TMEM165: variants seen among roughly 807,000 people sequenced by gnomAD.
The protein encoded by TMEM165 is putative divalent cation/proton antiporter TMEM165.
TMEM165 carries 19 observed loss-of-function variants against 30.0 expected under a neutral mutation model. That is an observed-to-expected ratio of 0.63 (90% CI 0.44 to 0.93). The LOEUF (loss-of-function observed/expected upper bound fraction) is 0.93, where lower values mean the gene tolerates loss of function less well. TMEM165 is among the 40% of genes least tolerant of loss of function. TMEM165 has a pLI of 0.00. For missense variants in TMEM165, 340 were observed against 417.0 expected, an observed-to-expected ratio of 0.82 and a Z score of 1.61; for synonymous variants, 168 against 162.9, an observed-to-expected ratio of 1.03 and a Z score of -0.24.
Position 55,444,741 on chromosome 4 carries a change from G to A in TMEM165, c.409-7498G>A, listed in dbSNP as rs34812164. On this transcript the variant is annotated intron_variant, in intron 3 of 3. Transcript: ENST00000608091. ...TCATGCGTGTCCGTTGTTCCAATTG[G>A]TCTTTCAGATGTTGCATGGCTCCTA... 4,602 of 1,613,998 alleles carry A rather than the reference G, an allele frequency of 2.9e-3. 9 individuals are homozygous for A. The highest frequency in any genetic ancestry group is 3.6e-3 in the Non-Finnish European group (4,262 of 1,179,996).
At chr4:55,448,600 G>GCGCA (rs1553891232) in intron 3 of TMEM165, among the ~76,000 whole-genome samples, 1 of 52,062 alleles carries the variant, frequency 1.9e-5, no homozygotes, top group Non-Finnish European at 3.6e-5. Context: ...GCGCACGCGC[G>GCGCA]CGTGTGTGTG....
rs557108356 is a variant in TMEM165, at chr4:55,423,143, C to T, written c.793-1395C>T. On this transcript the variant is annotated intron_variant, in intron 4 of 5. Coordinates refer to ENST00000381334, the MANE Select transcript of TMEM165 (RefSeq NM_018475.5). ...AGAGACGGGATCTCGCTGTACTGCT[C>T]AGGCTAGCCTTGAACTCCTGGCCTC... The T allele has an allele frequency of 7.9e-5, 12 of 152,370 alleles. No individual in the cohort carries two copies. In the South Asian group the frequency reaches 2.5e-3, roughly 32 times the overall value. 9.4% of individuals were successfully genotyped at this position (152,370 alleles called of 1,614,324 possible). A position where few individuals can be genotyped will look rare whatever the true frequency, so the allele number is the denominator to read the frequency against.
chr4:55,432,991 T>G (rs1722619454), intron 3 of TMEM165: 3 of 152,596 alleles, frequency 2.0e-5, no homozygotes, highest in African/African-American at 7.2e-5. Context: ...ATCTTTTAAG[T>G]GTGGTATGTA....
rs1421705283 is a variant in TMEM165 at position 55,453,261 on chromosome 4, T to G, written c.*955T>G. ...CTATTTGCTATGTGCTACACAAACC[T>G]AAAATATACCTATAATGTCTTAATT... is the stretch of plus-strand genomic sequence containing the variant. On this transcript the variant is annotated 3_prime_UTR_variant, in exon 4 of 4. Transcript: ENST00000608091. 2.2e-5 allele frequency: 16 copies of G among 732,118 alleles called. No homozygotes were observed. In the East Asian group the frequency reaches 4.4e-4, roughly 20 times the overall value. 45.4% of individuals were successfully genotyped at this position (732,118 alleles called of 1,614,324 possible).
chr4:55,424,730 T>C, intron 5 of TMEM165, 87 bp downstream of exon 5: 2 of 883,338 alleles, frequency 2.3e-6, no homozygotes, highest in Non-Finnish European at 3.6e-6. Flanking sequence ...AAATTTCTGC[T>C]GCTGAAGTAT....
intron 5 of TMEM165, among the ~76,000 whole-genome samples, chr4:55,425,133 A>G (rs181351405): frequency 6.6e-6 from 1 of 152,356 alleles, no homozygotes; most frequent in East Asian, 1.9e-4. Flanking sequence ...GTCTGGATTT[A>G]ATACAATCCT....
Position 55,420,861 on chromosome 4 carries a change from T to G in TMEM165, c.792+2876T>G, listed in dbSNP as rs183906942. On this transcript the variant is annotated intron_variant, in intron 4 of 5. Coordinates refer to ENST00000381334, the MANE Select transcript of TMEM165 (RefSeq NM_018475.5). Reference sequence around the variant, plus strand: ...TGAGGGGGAAGGAAGAAATTCAGAGTCAAATTTGGCAAATAATATATCCCT... The same window carrying G: ...TGAGGGGGAAGGAAGAAATTCAGAGGCAAATTTGGCAAATAATATATCCCT... Among the ~76,000 whole-genome samples the G allele has an allele frequency of 3.8e-4, 58 of 152,152 alleles. No homozygotes were observed. The East Asian group carries it at 0.011, about 29-fold the overall frequency.
intron 1 of TMEM165, among the ~76,000 whole-genome samples, chr4:55,410,607 A>G (rs898932746): frequency 1.3e-5 from 2 of 152,124 alleles, no homozygotes; most frequent in Non-Finnish European, 2.9e-5. Flanking sequence ...TCAGCGTAGG[A>G]CGATCTGTGT....
rs1577707541 is a variant in TMEM165, at chr4:55,453,244, T to G, written c.*938T>G. The G allele has an allele frequency of 1.9e-5, 17 of 877,864 alleles. No individual in the cohort carries two copies. In the South Asian group the frequency reaches 2.3e-4, roughly 12 times the overall value. The allele number at this position is 877,864 out of a possible 1,614,324, so 54.4% of individuals were successfully genotyped here. A position where few individuals can be genotyped will look rare whatever the true frequency, so the allele number is the denominator to read the frequency against. On this transcript the variant is annotated 3_prime_UTR_variant, in exon 4 of 4. Coordinates refer to the TMEM165 transcript ENST00000608091. ...TCATCTGTTCATCTAGACTATTTGC[T>G]ATGTGCTACACAAACCTAAAATATA...
intron 2 of TMEM165, among the ~76,000 whole-genome samples, chr4:55,413,774 A>T (rs78254223): frequency 0.023 from 3,514 of 152,346 alleles, 152 homozygotes; most frequent in African/African-American, 0.08. Flanking sequence ...TTGTACTCTT[A>T]TCTAAATAAA....
chr4:55,435,386 C>T lies in TMEM165; in HGVS notation c.408+10743C>T, dbSNP rs760745869. On this transcript the variant is annotated intron_variant, in intron 3 of 3. Coordinates refer to the TMEM165 transcript ENST00000608091. ...CTCTTAATGGGCCATCCCCTTCCTC[C>T]CTTGATGTCAAGAGAGGAAGCACGT... is the stretch of plus-strand genomic sequence containing the variant. 3.7e-6 allele frequency: 6 copies of T among 1,611,266 alleles called. No homozygotes were observed. In the Admixed American group the frequency reaches 5.0e-5, roughly 13 times the overall value.
chr4:55,441,968 T>C (rs1723409231), intron 3 of TMEM165, among the ~76,000 whole-genome samples: 1 of 152,196 alleles, frequency 6.6e-6, no homozygotes, highest in South Asian at 2.1e-4. Flanking sequence ...AAACTCACTT[T>C]TTTCTTATCT....
chr4:55,409,063 G>T (rs11945371), intron 1 of TMEM165, among the ~76,000 whole-genome samples: 46,154 of 151,794 alleles, frequency 0.3, 7,624 homozygotes, highest in East Asian at 0.58. Context: ...GTTTTTAAAG[G>T]ACCGTCAACG....
rs1044545238 is a variant in TMEM165 at position 55,442,233 on chromosome 4, A to G, written c.409-10006A>G. On this transcript the variant is annotated intron_variant, in intron 3 of 3. Transcript: ENST00000608091. ...TGTAGCATATTTTTGGACAAGAAAA[A>G]AAATTTGTTGTTACCCTTTAATTAT... 12 of 576,628 alleles carry G rather than the reference A, an allele frequency of 2.1e-5. No individual in the cohort carries two copies. In the African/African-American group the frequency reaches 2.2e-4, roughly 11 times the overall value. The allele number at this position is 576,628 out of a possible 1,614,324, so 35.7% of individuals were successfully genotyped here.
At position 55,396,083 on chromosome 4, in the gene TMEM165, C is replaced by T. The variant is rs1219505492; in HGVS notation, c.-107C>T. 7 of 938,494 alleles carry T rather than the reference C, an allele frequency of 7.5e-6. No homozygotes were observed. The highest frequency in any genetic ancestry group is 7.1e-6 in the Non-Finnish European group (5 of 708,066). The allele number at this position is 938,494 out of a possible 1,614,324, so 58.1% of individuals were successfully genotyped here. On this transcript the variant is annotated 5_prime_UTR_variant, in exon 1 of 6. Transcript: ENST00000381334. ...GTGCTGACTGCTCCCTAAGCGGCGG[C>T]GGCGGCGAGTCGTGAGGACGCGCCG...
At chr4:55,412,968 T>G (rs1282463376) in intron 2 of TMEM165, among the ~76,000 whole-genome samples, 1 of 151,678 alleles carries the variant, frequency 6.6e-6, no homozygotes, top group Non-Finnish European at 1.5e-5. Flanking sequence ...AGGGCTATTT[T>G]TTATTTATTT....
intron 1 of TMEM165, among the ~76,000 whole-genome samples, chr4:55,400,265 A>T (rs13139799): frequency 5.4e-5 from 5 of 92,876 alleles, no homozygotes; most frequent in Admixed American, 3.3e-4. Context: ...ATTAATATAT[A>T]ATATATAATA....
At chr4:55,426,216 A>G (rs549789138), downstream of TMEM165, 3 of 152,338 alleles carry the variant, frequency 2.0e-5, no homozygotes, top group African/African-American at 7.2e-5. Flanking sequence ...ATCAGTATTG[A>G]TAGGCCAATT....
intron 1 of TMEM165, chr4:55,403,160 T>C (rs1384107461): frequency 1.4e-5 from 13 of 939,974 alleles, no homozygotes; most frequent in Non-Finnish European, 1.6e-5. Flanking sequence ...CATTTTCTTC[T>C]GACTCCTTTG....
Sources: allele counts gnomAD v4.1 joint callset (sites outside exome capture counted in the v4.1 genomes callset), GRCh38; gene constraint gnomAD v4.1.1; transcripts MANE v1.5; gene names NCBI Gene and HGNC (gene_info 2026-07-23, HGNC 2026-07-21).